PPP2R3C: variants seen among roughly 807,000 people sequenced by gnomAD.
The protein encoded by PPP2R3C is protein phosphatase 2 regulatory subunit B''gamma.
Under a neutral mutation model 63.7 loss-of-function variants are expected in PPP2R3C, and 47 were observed. That is an observed-to-expected ratio of 0.74 (90% CI 0.58 to 0.94). The LOEUF (loss-of-function observed/expected upper bound fraction) is 0.94. Ranked by LOEUF, PPP2R3C falls within the 40% of genes least tolerant of loss-of-function variation. PPP2R3C has a pLI of 0.00. For synonymous variants in PPP2R3C, 180 were observed against 177.4 expected, an observed-to-expected ratio of 1.01 and a Z score of -0.12; for missense variants, 421 against 518.4, an observed-to-expected ratio of 0.81 and a Z score of 1.82.
At chr14:35,094,606 G>C (rs2045936480) in intron 10 of PPP2R3C, among the ~76,000 whole-genome samples, 1 of 149,908 alleles carries the variant, frequency 6.7e-6, no homozygotes, top group Admixed American at 6.6e-5. Context: ...TAAGACCAAA[G>C]ACTCTGAATC....
intron 3 of PPP2R3C, 83 bp downstream of exon 3, chr14:35,110,442 A>C: frequency 1.1e-6 from 1 of 887,074 alleles, no homozygotes; most frequent in Non-Finnish European, 1.8e-6. Flanking sequence ...GGACTCCATT[A>C]GGCACCAAGA....
chr14:35,110,752 T>C (rs1421840306), intron 2 of PPP2R3C, 123 bp from the exon 3 acceptor site: 5 of 634,404 alleles, frequency 7.9e-6, no homozygotes, highest in African/African-American at 5.6e-5. Flanking sequence ...CTCACCTTAA[T>C]TGTGCTTAAC....
At position 35,098,268 on chromosome 14, in the gene PPP2R3C, C is replaced by A. The variant is rs533930519; in HGVS notation, c.706+984G>T. On this transcript the variant is annotated intron_variant, in intron 7 of 12. Transcript: ENST00000261475. ...CGATCTTGGCTCACTGCAGCCTCTG[C>A]CTCCTGGGTTCAAGTGATCCACTTC... 2.0e-3 allele frequency among the ~76,000 whole-genome samples: 306 copies of A among 150,544 alleles called. 3 individuals are homozygous for A. Among genetic ancestry groups the A allele is most frequent in the African/African-American group, 7.2e-3 (295 of 40,946 alleles).
At position 35,096,622 on chromosome 14, in the gene PPP2R3C, C is replaced by T. The variant is rs1286899202; in HGVS notation, c.774G>A (p.Glu258=). ...TTTCTTGACTCTCCTTGGACAGTTCCTCATCCCTTAGCTAATGGAACACAA... is the reference window on the plus strand; with the variant it reads ...TTTCTTGACTCTCCTTGGACAGTTCTTCATCCCTTAGCTAATGGAACACAA... The part of the protein sequence containing the change: ...FLDDLLELRD[E]ELSKESQETN... The change falls in exon 9 of 13, where the codon GAG becomes GAA. Residue 258 remains glutamate, a synonymous_variant. Transcript: ENST00000261475. 1 of 1,613,742 alleles carries T rather than the reference C, an allele frequency of 6.2e-7. No homozygotes were observed.
intron 2 of PPP2R3C, 40 bp from the exon 3 acceptor site, chr14:35,110,669 C>T: frequency 3.0e-6 from 4 of 1,331,334 alleles, no homozygotes; most frequent in Non-Finnish European, 4.3e-6. Flanking sequence ...AAATTTTAGA[C>T]TACTGGATCC....
At position 35,110,720 on chromosome 14, in the gene PPP2R3C, C is replaced by T. The variant is rs1015151605; in HGVS notation, c.187-91G>A. On this transcript the variant is annotated intron_variant, in intron 2 of 12. Coordinates refer to ENST00000261475, the MANE Select transcript of PPP2R3C (RefSeq NM_017917.4). ...GCCTCATAAAATAACTGTATGCCAC[C>T]GCCTCGAATTATTTCTTGTATCTCA... 26 of 771,422 alleles carry T rather than the reference C, an allele frequency of 3.4e-5. 1 individual carries two copies. In the East Asian group the frequency reaches 3.6e-4, roughly 11 times the overall value. The allele number at this position is 771,422 out of a possible 1,614,324, so 47.8% of individuals were successfully genotyped here.
At chr14:35,106,009 A>AT (rs1325155706) in intron 6 of PPP2R3C, among the ~76,000 whole-genome samples, 3 of 149,256 alleles carry the variant, frequency 2.0e-5, no homozygotes, top group Admixed American at 6.7e-5. Flanking sequence ...CGCCCGGCTA[A>AT]TTTTTTTTTG....
At chr14:35,112,454 T>G (rs562767689) in intron 2 of PPP2R3C, among the ~76,000 whole-genome samples, 1 of 152,278 alleles carries the variant, frequency 6.6e-6, no homozygotes, top group East Asian at 1.9e-4. Flanking sequence ...CTTAGCCCCA[T>G]TAAATTACCT....
At chr14:35,109,752 A>G in intron 4 of PPP2R3C, 67 bp downstream of exon 4, 1 of 1,293,388 alleles carries the variant, frequency 7.7e-7, no homozygotes, top group Non-Finnish European at 1.1e-6. Context: ...CACTGTGCCC[A>G]GCCAATATTT....
intron 11 of PPP2R3C, among the ~76,000 whole-genome samples, chr14:35,089,908 G>A (rs998709452): frequency 5.3e-5 from 8 of 151,578 alleles, no homozygotes; most frequent in Non-Finnish European, 7.4e-5. Context: ...CTTGCGATCC[G>A]CCCACCCTGG....
chr14:35,115,911 C>T (rs2046696687), intron 2 of PPP2R3C, among the ~76,000 whole-genome samples: 2 of 152,112 alleles, frequency 1.3e-5, no homozygotes, highest in African/African-American at 4.8e-5. Context: ...GCATGAGCCA[C>T]CATGCCTGGC....
intron 1 of PPP2R3C, among the ~76,000 whole-genome samples, chr14:35,121,656 G>A (rs76994542): frequency 0.039 from 5,949 of 152,284 alleles, 144 homozygotes; most frequent in Non-Finnish European, 0.063. Flanking sequence ...TTCTTCACAA[G>A]TTTAGATTAA....
rs985060798 is a variant in PPP2R3C, at chr14:35,092,981, C to T, written c.976-1774G>A. 5.3e-5 allele frequency among the ~76,000 whole-genome samples: 8 copies of T among 152,078 alleles called. 1 individual carries two copies. The East Asian group carries it at 5.8e-4, about 11-fold the overall frequency. ...GGATACGCACTTCGGGGGGCCGAGG[C>T]GGGCAGATCAGAAGGTCAAGAGATC... is the stretch of plus-strand genomic sequence containing the variant. On this transcript the variant is annotated intron_variant, in intron 10 of 12. Transcript: ENST00000261475.
intron 6 of PPP2R3C, among the ~76,000 whole-genome samples, chr14:35,103,311 T>C (rs1389417989): frequency 6.6e-6 from 1 of 152,206 alleles, no homozygotes; most frequent in African/African-American, 2.4e-5. Context: ...AGGTCCAGGC[T>C]TAATTTTGCC....
chr14:35,095,436 A>G (rs1359905985), intron 9 of PPP2R3C, among the ~76,000 whole-genome samples: 1 of 152,138 alleles, frequency 6.6e-6, no homozygotes, highest in Non-Finnish European at 1.5e-5. Context: ...TTACATCATT[A>G]TTTGTTTTCA....
Position 35,085,576 on chromosome 14 carries a change from T to C in PPP2R3C, c.*14A>G. 6.3e-7 allele frequency: 1 copy of C among 1,583,964 alleles called. No individual in the cohort carries two copies. The highest frequency in any genetic ancestry group is 2.2e-5 in the East Asian group (1 of 44,670). The stretch of plus-strand genomic sequence containing the variant: ...AAGTATCTCATAATATAAGACAGTC[T>C]AGTCTTTCAGAGATCATGTATCATC... On this transcript the variant is annotated 3_prime_UTR_variant, in exon 13 of 13. Transcript: ENST00000261475.
intron 9 of PPP2R3C, 34 bp downstream of exon 9, chr14:35,096,524 T>C (rs1453776192): frequency 6.4e-7 from 1 of 1,574,146 alleles, no homozygotes; most frequent in Non-Finnish European, 8.7e-7. Context: ...GAAGAATGGA[T>C]AATTCAAATT....
At chr14:35,089,818 A>C (rs1206428642) in intron 11 of PPP2R3C, among the ~76,000 whole-genome samples, 3 of 149,178 alleles carry the variant, frequency 2.0e-5, no homozygotes, top group African/African-American at 7.5e-5. Context: ...GGCGCCCGCC[A>C]CCACGCCCGG....
chr14:35,087,879 A>T, intron 12 of PPP2R3C, 72 bp downstream of exon 12: 1 of 1,219,458 alleles, frequency 8.2e-7, no homozygotes, highest in East Asian at 2.4e-5. Context: ...TTGCTTTCAT[A>T]TAAAATTTCA....
Sources: gnomAD v4.1 joint callset for allele counts (sites outside exome capture counted in the v4.1 genomes callset) on GRCh38, gnomAD v4.1.1 for gene constraint, MANE v1.5 for transcripts, NCBI Gene and HGNC (gene_info 2026-07-23, HGNC 2026-07-21) for gene names.